Variants in ABHD17C observed in about 807,000 individuals in gnomAD.
The protein encoded by ABHD17C is alpha/beta hydrolase domain-containing protein 17C.
ABHD17C carries 11 observed loss-of-function variants against 27.9 expected under a neutral mutation model. The ratio of observed to expected loss-of-function variants is 0.39; its 90% confidence interval spans 0.25 to 0.65. ABHD17C has a LOEUF of 0.65. ABHD17C is among the 30% of genes least tolerant of loss of function. The probability of loss-of-function intolerance (pLI) is 0.45; values close to 1 mark genes in which losing one functional copy is unlikely to be tolerated. For missense variants in ABHD17C, 280 were observed against 470.2 expected, an observed-to-expected ratio of 0.60 and a Z score of 3.74; for synonymous variants, 233 against 209.1, an observed-to-expected ratio of 1.11 and a Z score of -0.98.
intron 1 of ABHD17C, among the ~76,000 whole-genome samples, chr15:80,730,239 C>T (rs1895040240): frequency 6.6e-6 from 1 of 152,232 alleles, no homozygotes; most frequent in South Asian, 2.1e-4. Context: ...ACCTTGAACC[C>T]TTTCCTTTGA....
chr15:80,698,245 T>C (rs1019974371), intron 1 of ABHD17C, among the ~76,000 whole-genome samples: 1 of 152,074 alleles, frequency 6.6e-6, no homozygotes, highest in South Asian at 2.1e-4. Context: ...TTTGTATTTT[T>C]AGTAGAGACG....
intron 1 of ABHD17C, among the ~76,000 whole-genome samples, chr15:80,725,239 A>T (rs1354979108): frequency 2.0e-5 from 3 of 152,246 alleles, no homozygotes; most frequent in Non-Finnish European, 4.4e-5. Context: ...CCATAAATAC[A>T]GAAAAGTTTC....
chr15:80,745,251 A>C (rs896831325), intron 1 of ABHD17C, among the ~76,000 whole-genome samples: 1 of 152,104 alleles, frequency 6.6e-6, no homozygotes, highest in Non-Finnish European at 1.5e-5. Context: ...TTAGTGATTC[A>C]CTTCCTTGCT....
chr15:80,737,821 A>T (rs2081643910), intron 1 of ABHD17C, among the ~76,000 whole-genome samples: 1 of 152,180 alleles, frequency 6.6e-6, no homozygotes, highest in African/African-American at 2.4e-5. Context: ...GAAGAGCCTG[A>T]GCCACAGGAG....
chr15:80,718,052 AAAAAC>A (rs1894832659), intron 1 of ABHD17C, among the ~76,000 whole-genome samples: 1 of 152,194 alleles, frequency 6.6e-6, no homozygotes, highest in South Asian at 2.1e-4. Context: ...ATAGTTAAAT[AAAAAC>A]AAAACAAAAC....
chr15:80,706,038 C>G (rs1894643835), intron 1 of ABHD17C, among the ~76,000 whole-genome samples: 2 of 152,192 alleles, frequency 1.3e-5, no homozygotes, highest in South Asian at 4.1e-4. Context: ...AAGGCAAAAG[C>G]CTGTATTGTG....
intron 1 of ABHD17C, among the ~76,000 whole-genome samples, chr15:80,732,498 C>T (rs1192380071): frequency 6.6e-6 from 1 of 151,964 alleles, no homozygotes; most frequent in African/African-American, 2.4e-5. Flanking sequence ...CTCTAAGGGC[C>T]TTTTCATTTC....
chr15:80,713,382 T>TTTTTTTTTTTTTC (rs1567032390), intron 1 of ABHD17C, among the ~76,000 whole-genome samples: 1 of 95,964 alleles, frequency 1.0e-5, no homozygotes, highest in African/African-American at 3.2e-5. Flanking sequence ...TTTTTTTTTT[T>TTTTTTTTTTTTTC]CAAAATCAGC....
In ABHD17C at chr15:80,708,900, C is replaced by T. The variant is rs186923291; in HGVS notation, c.590+12881C>T. The stretch of plus-strand genomic sequence containing the variant: ...CAGGCCCAGATGCAATCATTTTAAA[C>T]CCGCAGGCCTGCAAGGGAGGGTGAG... On this transcript the variant is annotated intron_variant, in intron 1 of 2. Coordinates refer to ENST00000258884, the MANE Select transcript of ABHD17C (RefSeq NM_021214.2). 1.4e-3 allele frequency among the ~76,000 whole-genome samples: 217 copies of T among 152,302 alleles called. 1 individual carries two copies. Among genetic ancestry groups the T allele is most frequent in the African/African-American group, 5.0e-3 (209 of 41,574 alleles).
chr15:80,695,346 C>G lies in ABHD17C; in HGVS notation c.-84C>G. The G allele has an allele frequency of 2.1e-6, 2 of 964,862 alleles. No individual in the cohort carries two copies. Among genetic ancestry groups the G allele is most frequent in the Non-Finnish European group, 2.6e-6 (2 of 777,448 alleles). 59.8% of individuals were successfully genotyped at this position (964,862 alleles called of 1,614,324 possible). A position where few individuals can be genotyped will look rare whatever the true frequency, so the allele number is the denominator to read the frequency against. On this transcript the variant is annotated 5_prime_UTR_variant, in exon 1 of 3. Transcript: ENST00000258884. The surrounding 1 kb of genome is among the most constrained non-coding windows in gnomAD (Gnocchi z 4.3). The stretch of plus-strand genomic sequence containing the variant: ...GCCCTCCGCGCTCGCCTGCCAGCTC[C>G]CTCGCCGCGCGTCCGTCCTCCGTCC...
chr15:80,699,031 G>T (rs1027751043), intron 1 of ABHD17C, among the ~76,000 whole-genome samples: 3 of 152,156 alleles, frequency 2.0e-5, no homozygotes, highest in Non-Finnish European at 4.4e-5. Flanking sequence ...TGCTCACATC[G>T]TCTTTTGTAT....
chr15:80,743,422 A>T (rs1214533560), intron 1 of ABHD17C, among the ~76,000 whole-genome samples: 1 of 152,156 alleles, frequency 6.6e-6, no homozygotes, highest in Non-Finnish European at 1.5e-5. Flanking sequence ...CGCTGTGTGT[A>T]GGCCCTGCTG....
intron 1 of ABHD17C, among the ~76,000 whole-genome samples, chr15:80,733,322 T>C (rs1352027393): frequency 6.6e-6 from 1 of 152,170 alleles, no homozygotes; most frequent in Non-Finnish European, 1.5e-5. Flanking sequence ...GACGATGGCA[T>C]CAAGCAGGCT....
chr15:80,716,014 A>G (rs183092763), intron 1 of ABHD17C, among the ~76,000 whole-genome samples: 1 of 152,284 alleles, frequency 6.6e-6, no homozygotes, highest in Admixed American at 6.5e-5. Flanking sequence ...ACCTATATTA[A>G]ATAATCTGGA....
chr15:80,747,132 A>C (rs1895298854), intron 1 of ABHD17C, among the ~76,000 whole-genome samples: 1 of 152,214 alleles, frequency 6.6e-6, no homozygotes, highest in Non-Finnish European at 1.5e-5. Flanking sequence ...ATTGATAGGA[A>C]AATGAATGGC....
At chr15:80,751,284 C>T (rs1386904112) in intron 2 of ABHD17C, among the ~76,000 whole-genome samples, 1 of 151,998 alleles carries the variant, frequency 6.6e-6, no homozygotes, top group Non-Finnish European at 1.5e-5. Flanking sequence ...TGCTTGAACC[C>T]AGGAGGCGGA....
chr15:80,751,773 G>A (rs1895369692), intron 2 of ABHD17C, among the ~76,000 whole-genome samples: 1 of 152,152 alleles, frequency 6.6e-6, no homozygotes, highest in East Asian at 1.9e-4. Flanking sequence ...TTTTTTAAAA[G>A]GCTGGTGATT....
chr15:80,713,029 G>A (rs375595620), intron 1 of ABHD17C, among the ~76,000 whole-genome samples: 63 of 151,518 alleles, frequency 4.2e-4, no homozygotes, highest in African/African-American at 1.4e-3. Flanking sequence ...CATTCTTACA[G>A]CATCTACAGT....
chr15:80,724,761 C>CCTCCTT (rs1567034769), intron 1 of ABHD17C, among the ~76,000 whole-genome samples: 1 of 152,102 alleles, frequency 6.6e-6, no homozygotes, highest in South Asian at 2.1e-4. Flanking sequence ...TCCCCCTCCT[C>CCTCCTT]CTCCTTCTCC....
Sources: gnomAD v4.1 joint callset for allele counts (sites outside exome capture counted in the v4.1 genomes callset) on GRCh38, gnomAD v4.1.1 for gene constraint, Gnocchi (gnomAD v3.1) non-coding constraint, MANE v1.5 for transcripts, NCBI Gene and HGNC (gene_info 2026-07-23, HGNC 2026-07-21) for gene names.